CFAP77: variants seen among roughly 807,000 people sequenced by gnomAD.
The protein encoded by CFAP77 is cilia and flagella associated protein 77.
Under a neutral mutation model 31.1 loss-of-function variants are expected in CFAP77, and 25 were observed. The ratio of observed to expected loss-of-function variants is 0.80; its 90% CI spans 0.59 to 1.12. CFAP77 has a LOEUF of 1.12. CFAP77 is among the 50% of genes most tolerant of loss of function. The pLI is 0.00. For missense variants in CFAP77, 377 were observed against 397.3 expected, an observed-to-expected ratio of 0.95 and a Z score of 0.44; for synonymous variants, 151 against 159.9, an observed-to-expected ratio of 0.94 and a Z score of 0.42.
intron 1 of CFAP77, among the ~76,000 whole-genome samples, chr9:132,470,351 C>A (rs559385064): frequency 2.1e-4 from 32 of 152,170 alleles, no homozygotes; most frequent in Non-Finnish European, 4.3e-4. Context: ...CAGGTTGCGC[C>A]TTAGTAGAGG....
intron 3 of CFAP77, among the ~76,000 whole-genome samples, chr9:132,505,172 G>A (rs1231927172): frequency 2.0e-5 from 3 of 152,206 alleles, no homozygotes; most frequent in Non-Finnish European, 4.4e-5. Flanking sequence ...CACCCTGTGA[G>A]CTACGATTCT....
At chr9:132,549,521 G>A (rs1176847619) in intron 5 of CFAP77, among the ~76,000 whole-genome samples, 3 of 152,124 alleles carry the variant, frequency 2.0e-5, no homozygotes, top group Admixed American at 6.6e-5. Flanking sequence ...GTATGCCGAC[G>A]AGCTGACTTG....
At chr9:132,557,933 A>C (rs924072953) in intron 5 of CFAP77, among the ~76,000 whole-genome samples, 15 of 152,168 alleles carry the variant, frequency 9.9e-5, no homozygotes, top group Non-Finnish European at 5.9e-5. Flanking sequence ...ATACCATGGG[A>C]GACTCCATGT....
chr9:132,522,597 G>A (rs576945021), intron 3 of CFAP77, among the ~76,000 whole-genome samples: 176 of 152,288 alleles, frequency 1.2e-3, no homozygotes, highest in African/African-American at 4.2e-3. Flanking sequence ...AAAACTGAAC[G>A]TGTTGTAAGG....
chr9:132,483,123 T>C (rs1418711979), intron 1 of CFAP77, among the ~76,000 whole-genome samples: 3 of 151,548 alleles, frequency 2.0e-5, no homozygotes, highest in African/African-American at 7.3e-5. Flanking sequence ...AATAGGAAAT[T>C]AGCCGGGCGT....
At chr9:132,423,715 ATAT>A (rs1203225273) in intron 1 of CFAP77, among the ~76,000 whole-genome samples, 5 of 152,276 alleles carry the variant, frequency 3.3e-5, no homozygotes, top group Non-Finnish European at 7.4e-5. Flanking sequence ...TCTTTTACAT[ATAT>A]TATCTCAACT....
chr9:132,559,042 A>T (rs1852951072), intron 5 of CFAP77, among the ~76,000 whole-genome samples: 2 of 151,256 alleles, frequency 1.3e-5, no homozygotes, highest in East Asian at 3.9e-4. Context: ...TAAAAAGATA[A>T]ATAACTCAAT....
intron 1 of CFAP77, among the ~76,000 whole-genome samples, chr9:132,446,723 A>T (rs1451720704): frequency 2.1e-5 from 3 of 145,542 alleles, no homozygotes; most frequent in Non-Finnish European, 4.5e-5. Flanking sequence ...CCTGGGCGAC[A>T]GAGCAAAACT....
At chr9:132,454,381 G>C (rs1047906079) in intron 1 of CFAP77, among the ~76,000 whole-genome samples, 1 of 152,166 alleles carries the variant, frequency 6.6e-6, no homozygotes. Context: ...GTGTAAGTCA[G>C]TTCGATTTCT....
intron 1 of CFAP77, among the ~76,000 whole-genome samples, chr9:132,492,296 A>AC (rs111522804): frequency 1.6e-3 from 242 of 151,030 alleles, no homozygotes; most frequent in Middle Eastern, 0.01. Flanking sequence ...TCAAAAAAGA[A>AC]CCCCCCCCAA....
intron 1 of CFAP77, among the ~76,000 whole-genome samples, chr9:132,471,087 C>T (rs1851245718): frequency 6.6e-6 from 1 of 151,968 alleles, no homozygotes; most frequent in Non-Finnish European, 1.5e-5. Flanking sequence ...GACGGTGGGC[C>T]CAGGGCACTG....
chr9:132,477,717 T>A lies in CFAP77; in HGVS notation c.196-20978T>A, dbSNP rs1020052172. On this transcript the variant is annotated intron_variant, in intron 1 of 5. Transcript: ENST00000393216. The stretch of plus-strand genomic sequence containing the variant: ...TTCCAGTGCTGCCTCCTGGCTCCCT[T>A]TCTTGAGCATCTGAATGCCAAGGCA... Among the ~76,000 whole-genome samples the A allele has an allele frequency of 2.0e-5, 3 of 152,178 alleles. No individual in the cohort carries two copies. In the South Asian group the frequency reaches 6.2e-4, roughly 32 times the overall value.
intron 1 of CFAP77, among the ~76,000 whole-genome samples, chr9:132,471,285 C>A (rs1851250434): frequency 6.6e-6 from 1 of 152,132 alleles, no homozygotes; most frequent in Non-Finnish European, 1.5e-5. Flanking sequence ...GAGAAGGTCC[C>A]GTAGAATAAT....
At chr9:132,421,039 G>A (rs944682770) in intron 1 of CFAP77, among the ~76,000 whole-genome samples, 26 of 128,052 alleles carry the variant, frequency 2.0e-4, no homozygotes, top group African/African-American at 7.9e-4. Context: ...ACAGAGTCTC[G>A]CTTTGTCACC....
At chr9:132,463,663 A>C (rs1851100562) in intron 1 of CFAP77, among the ~76,000 whole-genome samples, 1 of 152,180 alleles carries the variant, frequency 6.6e-6, no homozygotes, top group South Asian at 2.1e-4. Context: ...ATGCTGCCTT[A>C]CCTGGGGACC....
chr9:132,551,198 A>G (rs1852815111), intron 5 of CFAP77, among the ~76,000 whole-genome samples: 1 of 152,048 alleles, frequency 6.6e-6, no homozygotes, highest in Non-Finnish European at 1.5e-5. Flanking sequence ...AAGTTATCCT[A>G]AAGATGGAGT....
chr9:132,530,685 T>C (rs1015409701), intron 3 of CFAP77, among the ~76,000 whole-genome samples: 1 of 152,208 alleles, frequency 6.6e-6, no homozygotes, highest in Non-Finnish European at 1.5e-5. Flanking sequence ...GCCAGATACA[T>C]GGTTTACAGA....
At chr9:132,568,313 G>C (rs1202671221) in intron 5 of CFAP77, among the ~76,000 whole-genome samples, 5 of 152,192 alleles carry the variant, frequency 3.3e-5, no homozygotes, top group Admixed American at 6.5e-5. Flanking sequence ...CCAACACTTT[G>C]GGAGGCCGAG....
At chr9:132,500,364 C>T (rs922587411) in intron 3 of CFAP77, among the ~76,000 whole-genome samples, 5 of 152,128 alleles carry the variant, frequency 3.3e-5, no homozygotes, top group Non-Finnish European at 7.3e-5. Flanking sequence ...CCTGTTTCAC[C>T]GTATGCCGAG....
Sources: gnomAD v4.1 joint callset for allele counts (sites outside exome capture counted in the v4.1 genomes callset) on GRCh38, gnomAD v4.1.1 for gene constraint, MANE v1.5 for transcripts, NCBI Gene and HGNC (gene_info 2026-07-23, HGNC 2026-07-21) for gene names.